HERC3: variants seen among roughly 807,000 people sequenced by gnomAD.
HERC3 encodes probable E3 ubiquitin-protein ligase HERC3.
A neutral mutation model predicts 129.9 loss-of-function variants in HERC3; 58 were observed. That is an observed-to-expected ratio of 0.45 (90% CI 0.36 to 0.56). HERC3 has a LOEUF of 0.56. HERC3 is among the 20% of genes least tolerant of loss of function. HERC3 has a pLI of 0.00. For missense variants in HERC3, 835 were observed against 1,244.2 expected, an observed-to-expected ratio of 0.67 and a Z score of 4.95; for synonymous variants, 430 against 451.0, an observed-to-expected ratio of 0.95 and a Z score of 0.59.
intron 3 of HERC3, among the ~76,000 whole-genome samples, chr4:88,647,401 C>T (rs1443440254): frequency 1.3e-5 from 2 of 152,184 alleles, no homozygotes; most frequent in Non-Finnish European, 2.9e-5. Flanking sequence ...AATAAGGCAT[C>T]AGGCTAGGCC....
At chr4:88,619,816 A>G (rs183375363) in intron 3 of HERC3, among the ~76,000 whole-genome samples, 1 of 152,316 alleles carries the variant, frequency 6.6e-6, no homozygotes, top group East Asian at 1.9e-4. Context: ...GTGCTTGCAA[A>G]TGGCCAGTGA....
At chr4:88,592,819 C>T (rs1031030782) in intron 1 of HERC3, among the ~76,000 whole-genome samples, 8 of 151,788 alleles carry the variant, frequency 5.3e-5, no homozygotes, top group South Asian at 2.1e-4. Flanking sequence ...TTCTCGTGGG[C>T]TCGCCCTCCG....
intron 23 of HERC3, chr4:88,692,801 C>A: frequency 3.3e-6 from 2 of 612,190 alleles, no homozygotes; most frequent in Non-Finnish European, 4.1e-6. Flanking sequence ...GGATTCAAAG[C>A]CAGGTGGTTT....
At chr4:88,588,857 C>G (rs571844534), upstream of HERC3, among the ~76,000 whole-genome samples, 6 of 152,314 alleles carry the variant, frequency 3.9e-5, no homozygotes, top group African/African-American at 1.4e-4. Flanking sequence ...GCCCTGGGCA[C>G]CATCCCCTTG....
the HERC3 span, among the ~76,000 whole-genome samples, chr4:88,574,242 C>T: frequency 2.0e-5 from 3 of 152,200 alleles, no homozygotes; most frequent in Non-Finnish European, 4.4e-5. Flanking sequence ...AGGGGAAGTC[C>T]TGTGGCAGTG....
At chr4:88,543,046 C>T in the HERC3 span, among the ~76,000 whole-genome samples, 1 of 152,188 alleles carries the variant, frequency 6.6e-6, no homozygotes, top group African/African-American at 2.4e-5. Flanking sequence ...GGTGCCCTCT[C>T]TCACCACTCC....
At chr4:88,641,931 A>G (rs905386028) in intron 3 of HERC3, among the ~76,000 whole-genome samples, 1 of 152,064 alleles carries the variant, frequency 6.6e-6, no homozygotes, top group Admixed American at 6.6e-5. Context: ...CAGGCTGGCC[A>G]ACATATTGTA....
At chr4:88,658,865 T>A (rs563702776) in intron 10 of HERC3, among the ~76,000 whole-genome samples, 1 of 152,300 alleles carries the variant, frequency 6.6e-6, no homozygotes, top group East Asian at 1.9e-4. Flanking sequence ...CTTGGTGGGT[T>A]TCTTTGTTTG....
intron 23 of HERC3, chr4:88,697,955 C>T: frequency 1.5e-6 from 1 of 664,606 alleles, no homozygotes; most frequent in Non-Finnish European, 2.6e-6. Context: ...TCATACTGCA[C>T]CAGATTCCTC....
At chr4:88,644,463 A>G (rs1011370468) in intron 3 of HERC3, among the ~76,000 whole-genome samples, 2 of 152,218 alleles carry the variant, frequency 1.3e-5, no homozygotes, top group African/African-American at 4.8e-5. Flanking sequence ...CAACCACTTA[A>G]TTGAATCTCA....
chr4:88,662,585 T>C (rs902253716), intron 11 of HERC3, 30 bp downstream of exon 11: 17 of 1,589,342 alleles, frequency 1.1e-5, no homozygotes, highest in Middle Eastern at 1.9e-4. Flanking sequence ...CATTTTTTTT[T>C]CCACAAAGTA....
the HERC3 span, among the ~76,000 whole-genome samples, chr4:88,558,932 C>A: frequency 6.7e-6 from 1 of 148,492 alleles, no homozygotes; most frequent in East Asian, 2.0e-4. Flanking sequence ...CATGCCACTG[C>A]GCTCCAGCCT....
Position 88,667,685 on chromosome 4 carries a change from T to C in HERC3, c.1443+197T>C, listed in dbSNP as rs562805461. Among the ~76,000 whole-genome samples the C allele has an allele frequency of 5.9e-5, 9 of 152,316 alleles. No individual in the cohort carries two copies. The East Asian group carries it at 1.3e-3, about 23-fold the overall frequency. On this transcript the variant is annotated intron_variant, in intron 13 of 25. Coordinates refer to ENST00000402738, the MANE Select transcript of HERC3 (RefSeq NM_014606.3). ...TTTCCAAGGCAATGCCCCTCTAGAA[T>C]ATACAGTTTGCACTGGCAGGGATCT...
At chr4:88,683,078 G>C (rs928767992) in intron 21 of HERC3, among the ~76,000 whole-genome samples, 2 of 152,162 alleles carry the variant, frequency 1.3e-5, no homozygotes, top group African/African-American at 2.4e-5. Flanking sequence ...GGCCAGTGAT[G>C]ATGAGCATTT....
intron 9 of HERC3, chr4:88,657,481 G>T (rs1730037075): frequency 6.6e-6 from 1 of 152,148 alleles, no homozygotes; most frequent in South Asian, 2.1e-4. Context: ...TTTTCTCCAA[G>T]ACATTGTACT....
intron 3 of HERC3, among the ~76,000 whole-genome samples, chr4:88,633,940 C>T (rs767334269): frequency 6.6e-6 from 1 of 152,100 alleles, no homozygotes; most frequent in Non-Finnish European, 1.5e-5. Context: ...ATGGTCAATT[C>T]GAGGGGGGCG....
intron 12 of HERC3, 137 bp downstream of exon 12, chr4:88,664,349 C>A: frequency 1.5e-6 from 1 of 654,700 alleles, no homozygotes; most frequent in Non-Finnish European, 2.6e-6. Flanking sequence ...TGAATAGCCA[C>A]TGAATTCCAG....
intron 3 of HERC3, among the ~76,000 whole-genome samples, chr4:88,639,118 C>T (rs1727781510): frequency 6.6e-6 from 1 of 152,114 alleles, no homozygotes; most frequent in Non-Finnish European, 1.5e-5. Context: ...AAGAACATTC[C>T]ATCCTCATGG....
intron 3 of HERC3, among the ~76,000 whole-genome samples, chr4:88,622,238 A>G (rs910651469): frequency 2.6e-5 from 4 of 152,206 alleles, no homozygotes; most frequent in Non-Finnish European, 4.4e-5. Context: ...AGATGATACG[A>G]TATGTGGTCT....
Sources: gnomAD v4.1 joint callset for allele counts (sites outside exome capture counted in the v4.1 genomes callset) on GRCh38, gnomAD v4.1.1 for gene constraint, MANE v1.5 for transcripts, NCBI Gene and HGNC (gene_info 2026-07-23, HGNC 2026-07-21) for gene names.